The following AFF4 variants were observed in gnomAD, a reference collection of about 807,000 sequenced individuals.
The protein encoded by AFF4 is AF4/FMR2 family member 4.
In AFF4, 13 loss-of-function variants were observed where a neutral mutation model predicts 124.8. The observed-to-expected ratio is 0.10, with a 90% CI of 0.07 to 0.17. The LOEUF (loss-of-function observed/expected upper bound fraction) is 0.17, where lower values mean the gene tolerates loss of function less well. Among genes scored for constraint, AFF4 ranks in the 10% least tolerant of loss-of-function variants. The probability of loss-of-function intolerance (pLI) is 1.00; values close to 1 mark genes in which losing one functional copy is unlikely to be tolerated. For missense variants in AFF4, 1,092 were observed against 1,403.8 expected, an observed-to-expected ratio of 0.78 and a Z score of 3.55; for synonymous variants, 477 against 496.1, an observed-to-expected ratio of 0.96 and a Z score of 0.51.
intron 14 of AFF4, 89 bp from the exon 15 acceptor site, chr5:132,888,249 G>T: frequency 1.1e-6 from 1 of 935,538 alleles, no homozygotes; most frequent in Non-Finnish European, 1.6e-6. Flanking sequence ...CAGTTTTTAT[G>T]TCCTCAAGCA....
rs765012155 is a variant in AFF4 at position 132,875,688 on chromosome 5, G to A, written c.*5371C>T. On this transcript the variant is annotated 3_prime_UTR_variant, in exon 21 of 21. Transcript: ENST00000265343. Reference sequence around the variant, plus strand: ...TATAATACTTTGCTCACCATTAACAGCTTTATCGTGTGAAATGCACATACT... The same window carrying A: ...TATAATACTTTGCTCACCATTAACAACTTTATCGTGTGAAATGCACATACT... 8.4e-5 allele frequency: 17 copies of A among 202,300 alleles called. No homozygotes were observed. The highest frequency in any genetic ancestry group is 3.6e-4 in the Admixed American group (6 of 16,696). 12.5% of individuals were successfully genotyped at this position (202,300 alleles called of 1,614,324 possible).
At chr5:132,922,452 T>C (rs1219606925) in intron 5 of AFF4, among the ~76,000 whole-genome samples, 1 of 151,730 alleles carries the variant, frequency 6.6e-6, no homozygotes, top group Admixed American at 6.6e-5. Flanking sequence ...ATACAAAGAT[T>C]TATACACAAA....
intron 14 of AFF4, 66 bp downstream of exon 14, chr5:132,889,013 T>C: frequency 6.8e-7 from 1 of 1,464,334 alleles, no homozygotes; most frequent in Non-Finnish European, 9.5e-7. Context: ...GAAATGAAAA[T>C]GAGTTTCTTA....
intron 9 of AFF4, 75 bp from the exon 10 acceptor site, chr5:132,898,467 C>A: frequency 1.4e-6 from 2 of 1,449,456 alleles, no homozygotes; most frequent in Non-Finnish European, 1.9e-6. Context: ...AATCGACAAC[C>A]AACTTTCTTT....
intron 2 of AFF4, among the ~76,000 whole-genome samples, chr5:132,935,527 T>C (rs1761404403): frequency 6.6e-6 from 1 of 152,014 alleles, no homozygotes; most frequent in Admixed American, 6.6e-5. Flanking sequence ...TTCCAGCACT[T>C]TGGGAGGCCA....
intron 1 of AFF4, among the ~76,000 whole-genome samples, chr5:132,945,812 G>C (rs547714024): frequency 1.3e-5 from 2 of 151,888 alleles, no homozygotes; most frequent in South Asian, 4.2e-4. Flanking sequence ...TGTAATCCTA[G>C]CACTTTCGCA....
intron 5 of AFF4, among the ~76,000 whole-genome samples, chr5:132,905,504 TA>T (rs1760653150): frequency 6.6e-6 from 1 of 152,172 alleles, no homozygotes; most frequent in Non-Finnish European, 1.5e-5. Context: ...TAAAAAACAT[TA>T]AAAACCTATT....
At chr5:132,920,494 T>C (rs1275949461) in intron 5 of AFF4, among the ~76,000 whole-genome samples, 1 of 151,678 alleles carries the variant, frequency 6.6e-6, no homozygotes, top group Admixed American at 6.6e-5. Flanking sequence ...TAGCTGGGAC[T>C]ATAGGTCATG....
In AFF4 at chr5:132,876,860, C is replaced by T. The variant is rs1759851102; in HGVS notation, c.*4199G>A. ...TCTAGAGGTCTAAAGTGAATTTCTC[C>T]ATTAGCGAGTATCTGAAAGACATGC... On this transcript the variant is annotated 3_prime_UTR_variant, in exon 21 of 21. Transcript: ENST00000265343. 2 of 197,166 alleles carry T rather than the reference C, an allele frequency of 1.0e-5. No homozygotes were observed. The highest frequency in any genetic ancestry group is 7.9e-5 in the East Asian group (1 of 12,594). The allele number at this position is 197,166 out of a possible 1,614,324, so 12.2% of individuals were successfully genotyped here. A position where few individuals can be genotyped will look rare whatever the true frequency, so the allele number is the denominator to read the frequency against.
At chr5:132,921,973 C>CA (rs1343736980) in intron 5 of AFF4, among the ~76,000 whole-genome samples, 4 of 151,874 alleles carry the variant, frequency 2.6e-5, no homozygotes, top group Non-Finnish European at 4.4e-5. Flanking sequence ...TTTGTGGAGA[C>CA]AGAGTCTCAT....
intron 4 of AFF4, among the ~76,000 whole-genome samples, chr5:132,927,784 C>T (rs546162266): frequency 2.6e-5 from 4 of 152,162 alleles, no homozygotes; most frequent in African/African-American, 7.2e-5. Flanking sequence ...TATATATACT[C>T]GTAGAAAAAT....
intron 4 of AFF4, among the ~76,000 whole-genome samples, chr5:132,930,667 A>C (rs1259409169): frequency 1.3e-5 from 2 of 151,618 alleles, no homozygotes; most frequent in Non-Finnish European, 3.0e-5. Context: ...AATAAAAAAG[A>C]AAATACAAGT....
intron 1 of AFF4, among the ~76,000 whole-genome samples, chr5:132,942,654 G>A (rs1761600621): frequency 6.6e-6 from 1 of 152,096 alleles, no homozygotes; most frequent in Non-Finnish European, 1.5e-5. Flanking sequence ...AGTAGAGATG[G>A]GGTTTCTCCA....
rs1760461921 is a variant in AFF4 at position 132,898,325 on chromosome 5, T to C, written c.1294A>G (p.Ser432Gly). Residue 432 changes from serine to glycine, a missense_variant, in exon 10 of 21, where the codon AGT (serine) becomes GGT (glycine). Ser to Gly is a moderately conservative substitution (Grantham distance 56). Coordinates refer to ENST00000265343, the MANE Select transcript of AFF4 (RefSeq NM_014423.4). ...GATCCAGAGCTGCTTTCAGATCCAC[T>C]GTGGCTACTAGAATCATCCCTGGAG... is the stretch of plus-strand genomic sequence containing the variant. ...DNSRDDSSSH[S>G]GSESSSGSDS... is the part of the protein sequence containing the mutation. 1 of 1,614,122 alleles carries C rather than the reference T, an allele frequency of 6.2e-7. No homozygotes were observed. The highest frequency in any genetic ancestry group is 1.7e-5 in the Admixed American group (1 of 60,008).
intron 13 of AFF4, among the ~76,000 whole-genome samples, chr5:132,889,877 C>A (rs1760211026): frequency 6.6e-6 from 1 of 152,088 alleles, no homozygotes; most frequent in South Asian, 2.1e-4. Context: ...TCAAGTGATC[C>A]TCCCACCCCA....
chr5:132,904,344 AC>A, intron 6 of AFF4, 23 bp downstream of exon 6: 1 of 1,605,530 alleles, frequency 6.2e-7, no homozygotes, highest in Non-Finnish European at 8.5e-7. Flanking sequence ...TAATTTGAAA[AC>A]AAAGAGGGAA....
At chr5:132,939,711 A>G (rs1450678326) in intron 1 of AFF4, among the ~76,000 whole-genome samples, 1 of 152,182 alleles carries the variant, frequency 6.6e-6, no homozygotes, top group East Asian at 1.9e-4. Flanking sequence ...CCCAGGTTCA[A>G]TTGATTCTCC....
In AFF4 at chr5:132,875,955, T is replaced by G. The variant is rs968615093; in HGVS notation, c.*5104A>C. The G allele has an allele frequency of 1.8e-5, 4 of 226,642 alleles. No homozygotes were observed. The highest frequency in any genetic ancestry group is 3.5e-5 in the Non-Finnish European group (4 of 113,948). The allele number at this position is 226,642 out of a possible 1,614,324, so 14.0% of individuals were successfully genotyped here. A position where few individuals can be genotyped will look rare whatever the true frequency, so the allele number is the denominator to read the frequency against. On this transcript the variant is annotated 3_prime_UTR_variant, in exon 21 of 21. Coordinates refer to ENST00000265343, the MANE Select transcript of AFF4 (RefSeq NM_014423.4). ...CTTTTAATTTATCAGTGACATTATC[T>G]CCCCTCCAAAACCCTCCCCAAATAT... is the stretch of plus-strand genomic sequence containing the variant.
intron 5 of AFF4, among the ~76,000 whole-genome samples, chr5:132,905,048 C>CAAAA (rs66981854): frequency 4.2e-5 from 5 of 118,310 alleles, no homozygotes; most frequent in Non-Finnish European, 6.9e-5. Flanking sequence ...GACTCCATCT[C>CAAAA]AAAAAAAAAA....
Sources: allele counts gnomAD v4.1 joint callset (sites outside exome capture counted in the v4.1 genomes callset), GRCh38; gene constraint gnomAD v4.1.1; transcripts MANE v1.5; gene names NCBI Gene and HGNC (gene_info 2026-07-23, HGNC 2026-07-21).